SIK2: variants seen among roughly 807,000 people sequenced by gnomAD.
SIK2 encodes the protein serine/threonine-protein kinase SIK2.
Under a neutral mutation model 103.2 loss-of-function variants are expected in SIK2, and 29 were observed. That is an observed-to-expected ratio of 0.28 (90% CI 0.21 to 0.38). The LOEUF (loss-of-function observed/expected upper bound fraction) is 0.38. Ranked by LOEUF, SIK2 falls within the 10% of genes least tolerant of loss-of-function variation. SIK2 has a pLI of 1.00. For synonymous variants in SIK2, 412 were observed against 446.1 expected, an observed-to-expected ratio of 0.92 and a Z score of 0.96; for missense variants, 879 against 1,171.0, an observed-to-expected ratio of 0.75 and a Z score of 3.64.
intron 1 of SIK2, among the ~76,000 whole-genome samples, chr11:111,609,442 C>G (rs1335849598): frequency 6.6e-6 from 1 of 152,116 alleles, no homozygotes; most frequent in Non-Finnish European, 1.5e-5. Context: ...CCACTTCAGC[C>G]TTCCAAGTAG....
chr11:111,615,138 CA>C (rs5794760), intron 1 of SIK2, among the ~76,000 whole-genome samples: 151,630 of 151,650 alleles, frequency 1, 75,805 homozygotes, highest in Middle Eastern at 1. Flanking sequence ...GACTCTGTAT[CA>C]AATAAATAAA....
At chr11:111,641,438 A>T (rs1425304262) in intron 3 of SIK2, among the ~76,000 whole-genome samples, 2 of 152,138 alleles carry the variant, frequency 1.3e-5, no homozygotes, top group African/African-American at 4.8e-5. Flanking sequence ...TCTGACCCTG[A>T]ATTACCTTGG....
chr11:111,720,154 G>A (rs1421622950), intron 10 of SIK2, 151 bp downstream of exon 10: 9 of 818,670 alleles, frequency 1.1e-5, no homozygotes, highest in Non-Finnish European at 1.7e-5. Flanking sequence ...AGCAGACACA[G>A]CCTGGCAGCA....
chr11:111,700,460 T>C (rs764011080), intron 4 of SIK2, among the ~76,000 whole-genome samples: 6 of 152,172 alleles, frequency 3.9e-5, no homozygotes, highest in Non-Finnish European at 7.4e-5. Context: ...AGTCACTCAG[T>C]TGTGTTTAGG....
At chr11:111,723,452 C>T in intron 14 of SIK2, 44 bp from the exon 15 acceptor site, 4 of 1,539,230 alleles carry the variant, frequency 2.6e-6, no homozygotes, top group Non-Finnish European at 3.5e-6. Flanking sequence ...ATTGCCATCA[C>T]TTGAGAAGAT....
chr11:111,677,700 A>AT (rs1942722493), intron 3 of SIK2, among the ~76,000 whole-genome samples: 1 of 149,626 alleles, frequency 6.7e-6, no homozygotes. Context: ...AAGTGCTGGG[A>AT]TTACAGGCTT....
In SIK2 at chr11:111,644,123, T is replaced by A. The variant is rs142293173; in HGVS notation, c.316+23721T>A. Among the ~76,000 whole-genome samples the A allele has an allele frequency of 6.2e-3, 938 of 150,950 alleles. 10 individuals carry two copies. The highest frequency in any genetic ancestry group is 0.021 in the African/African-American group (875 of 41,156). The stretch of plus-strand genomic sequence containing the variant: ...CAACATAGTGAAACCCCATCTCTAC[T>A]AAAAATACAAAAAAAATTAGCCGGG... On this transcript the variant is annotated intron_variant, in intron 3 of 14. Coordinates refer to ENST00000304987, the MANE Select transcript of SIK2 (RefSeq NM_015191.3).
rs150891417 is a variant in SIK2, at chr11:111,666,411, T to C, written c.317-21590T>C. On this transcript the variant is annotated intron_variant, in intron 3 of 14. Coordinates refer to ENST00000304987, the MANE Select transcript of SIK2 (RefSeq NM_015191.3). ...TCTACCCTTGTCGTTTTCTGGTAAG[T>C]GCTTATATTTGTAACAGAAAGATTA... Among the ~76,000 whole-genome samples, 409 of 152,288 alleles carry C rather than the reference T, an allele frequency of 2.7e-3. 3 individuals carry two copies. The highest frequency in any genetic ancestry group is 9.4e-3 in the African/African-American group (392 of 41,560).
At chr11:111,658,391 G>A (rs1942423116) in intron 3 of SIK2, among the ~76,000 whole-genome samples, 1 of 152,090 alleles carries the variant, frequency 6.6e-6, no homozygotes, top group African/African-American at 2.4e-5. Flanking sequence ...CCACCAAAGT[G>A]CTGGGATTAC....
chr11:111,669,871 C>T (rs1221622606), intron 3 of SIK2, among the ~76,000 whole-genome samples: 1 of 152,168 alleles, frequency 6.6e-6, no homozygotes, highest in East Asian at 1.9e-4. Context: ...TCCATATTTT[C>T]AGCTCCTAAA....
chr11:111,611,855 AGG>A (rs974964355), intron 1 of SIK2, among the ~76,000 whole-genome samples: 7 of 152,320 alleles, frequency 4.6e-5, no homozygotes, highest in African/African-American at 1.4e-4. Context: ...AAATAAGAGA[AGG>A]GATATAGAGA....
intron 3 of SIK2, among the ~76,000 whole-genome samples, chr11:111,657,396 T>G (rs1942404883): frequency 6.6e-6 from 1 of 152,114 alleles, no homozygotes; most frequent in African/African-American, 2.4e-5. Context: ...GGTTTTGTTT[T>G]GTTTTGTTTT....
At chr11:111,656,569 A>G (rs1441875149) in intron 3 of SIK2, among the ~76,000 whole-genome samples, 1 of 152,220 alleles carries the variant, frequency 6.6e-6, no homozygotes, top group Admixed American at 6.5e-5. Flanking sequence ...AGAGAAACTC[A>G]TTAAGGTTAA....
At chr11:111,684,795 T>C (rs1452445050) in intron 3 of SIK2, among the ~76,000 whole-genome samples, 1 of 152,216 alleles carries the variant, frequency 6.6e-6, no homozygotes, top group Non-Finnish European at 1.5e-5. Flanking sequence ...TCTTAAGTGA[T>C]CTGTTCTCCC....
intron 3 of SIK2, among the ~76,000 whole-genome samples, chr11:111,629,745 T>C (rs1303753588): frequency 1.3e-5 from 2 of 152,048 alleles, no homozygotes; most frequent in Non-Finnish European, 2.9e-5. Context: ...ATCAGAGAAA[T>C]GCAAATTAAA....
rs533192799 is a variant in SIK2 at position 111,712,406 on chromosome 11, G to T, written c.1266+31G>T. ...GCTATGTTTGAGAGTCTCAGAACTGGCAGTTTGGCGAGAGATTTCAGTTTG... is the reference window on the plus strand; with the variant it reads ...GCTATGTTTGAGAGTCTCAGAACTGTCAGTTTGGCGAGAGATTTCAGTTTG... On this transcript the variant is annotated intron_variant, in intron 9 of 14. Coordinates refer to ENST00000304987, the MANE Select transcript of SIK2 (RefSeq NM_015191.3). 8.4e-5 allele frequency: 134 copies of T among 1,592,888 alleles called. 2 individuals are homozygous for T. The South Asian group carries it at 1.4e-3, about 17-fold the overall frequency.
chr11:111,697,677 C>T (rs1428631303), intron 4 of SIK2, among the ~76,000 whole-genome samples: 1 of 152,064 alleles, frequency 6.6e-6, no homozygotes, highest in Non-Finnish European at 1.5e-5. Context: ...TCTTCCTTAA[C>T]CCATTCTTCA....
chr11:111,645,225 ACC>A (rs1362232305), intron 3 of SIK2, among the ~76,000 whole-genome samples: 3 of 152,348 alleles, frequency 2.0e-5, no homozygotes, highest in Non-Finnish European at 4.4e-5. Context: ...CTGAAGTTTT[ACC>A]CTATTTCATG....
chr11:111,669,496 T>C (rs1160078422), intron 3 of SIK2, among the ~76,000 whole-genome samples: 1 of 152,096 alleles, frequency 6.6e-6, no homozygotes, highest in African/African-American at 2.4e-5. Context: ...CTCTGGAGGC[T>C]AAGGCAGGAG....
Sources: gnomAD v4.1 joint callset for allele counts (sites outside exome capture counted in the v4.1 genomes callset) on GRCh38, gnomAD v4.1.1 for gene constraint, MANE v1.5 for transcripts, NCBI Gene and HGNC (gene_info 2026-07-23, HGNC 2026-07-21) for gene names.